TAS1R1: variants seen among roughly 807,000 people sequenced by gnomAD.
TAS1R1 encodes the protein taste receptor type 1 member 1.
In TAS1R1, 31 loss-of-function variants were observed where a neutral mutation model predicts 45.8. That is an observed-to-expected ratio of 0.68 (90% CI 0.51 to 0.91). The LOEUF (loss-of-function observed/expected upper bound fraction) is 0.91, where lower values mean the gene tolerates loss of function less well. Ranked by LOEUF, TAS1R1 falls within the 40% of genes least tolerant of loss-of-function variation. The pLI is 0.00. For missense variants in TAS1R1, 1,051 were observed against 1,063.9 expected, an observed-to-expected ratio of 0.99 and a Z score of 0.17; for synonymous variants, 437 against 448.4, an observed-to-expected ratio of 0.97 and a Z score of 0.32.
At chr1:6,572,370 C>T (rs1640041145) in intron 2 of TAS1R1, among the ~76,000 whole-genome samples, 1 of 151,334 alleles carries the variant, frequency 6.6e-6, no homozygotes, top group South Asian at 2.1e-4. Context: ...AGCAATCCTC[C>T]CACCTCATAC....
intron 1 of TAS1R1, among the ~76,000 whole-genome samples, chr1:6,557,731 G>T (rs964126351): frequency 1.3e-5 from 2 of 152,150 alleles, no homozygotes; most frequent in African/African-American, 4.8e-5. Flanking sequence ...CACTGGGCCA[G>T]CCATTACAAA....
chr1:6,559,350 A>G (rs1330527908), intron 1 of TAS1R1, among the ~76,000 whole-genome samples: 2 of 151,914 alleles, frequency 1.3e-5, no homozygotes, highest in Non-Finnish European at 2.9e-5. Flanking sequence ...TTTTAGATGT[A>G]GTAAACATTT....
At position 6,571,176 on chromosome 1, in the gene TAS1R1, C is replaced by T. The variant is rs759967739; in HGVS notation, c.459C>T (p.Ala153=). Residue 153 remains alanine, a synonymous_variant, in exon 2 of 6, where the codon GCC becomes GCT. Transcript: ENST00000333172. ...VIGPDSTNRA[A]TTAALLSPFL... ...GGCCTGACAGCACCAACCGTGCTGCCACCACAGCCGCCCTGCTGAGCCCTT... is the reference window on the plus strand; with the variant it reads ...GGCCTGACAGCACCAACCGTGCTGCTACCACAGCCGCCCTGCTGAGCCCTT... 2 of 1,595,134 alleles carry T rather than the reference C, an allele frequency of 1.3e-6. No homozygotes were observed. Among genetic ancestry groups the T allele is most frequent in the South Asian group, 1.1e-5 (1 of 88,136 alleles).
At chr1:6,576,297 C>A in intron 3 of TAS1R1, 118 bp from the exon 4 acceptor site, 1 of 931,870 alleles carries the variant, frequency 1.1e-6, no homozygotes. Context: ...AGGGACGAGA[C>A]CTTCCTGATG....
In TAS1R1 at chr1:6,557,325, C is replaced by T. The variant is rs1483092597; in HGVS notation, c.191+1761C>T. 3.9e-5 allele frequency among the ~76,000 whole-genome samples: 6 copies of T among 152,180 alleles called. No individual in the cohort carries two copies. In the East Asian group the frequency reaches 1.2e-3, roughly 29 times the overall value. ...GTCTCAGGCAGGAGGCACGAACCCT[C>T]CGTTGAGAGACTCGGGACAGAAGTG... is the stretch of plus-strand genomic sequence containing the variant. On this transcript the variant is annotated intron_variant, in intron 1 of 5. Coordinates refer to ENST00000333172, the MANE Select transcript of TAS1R1 (RefSeq NM_138697.4).
chr1:6,568,823 G>A (rs965672971), intron 1 of TAS1R1, among the ~76,000 whole-genome samples: 1 of 152,168 alleles, frequency 6.6e-6, no homozygotes, highest in African/African-American at 2.4e-5. Flanking sequence ...CTGGAAGGAG[G>A]GTGGAAGAGA....
intron 1 of TAS1R1, among the ~76,000 whole-genome samples, chr1:6,566,064 G>T (rs1639867535): frequency 6.6e-6 from 1 of 152,188 alleles, no homozygotes; most frequent in Non-Finnish European, 1.5e-5. Flanking sequence ...GGGTAATAGT[G>T]TGAGTCTGAG....
chr1:6,575,587 C>T (rs143253454), intron 3 of TAS1R1, among the ~76,000 whole-genome samples, 195 bp downstream of exon 3: 54 of 152,202 alleles, frequency 3.5e-4, no homozygotes, highest in African/African-American at 8.7e-4. Context: ...GATGCGATCT[C>T]GGCTCTCTGC....
intron 1 of TAS1R1, among the ~76,000 whole-genome samples, chr1:6,565,257 AAG>A (rs1042881836): frequency 4.6e-5 from 7 of 152,014 alleles, no homozygotes; most frequent in Non-Finnish European, 5.9e-5. Flanking sequence ...GTTTTCAAGA[AAG>A]AGAGCATGAA....
At chr1:6,578,327 T>A (rs1307901919) in intron 5 of TAS1R1, among the ~76,000 whole-genome samples, 2 of 152,290 alleles carry the variant, frequency 1.3e-5, no homozygotes, top group Non-Finnish European at 2.9e-5. Context: ...ATGCCCTCCC[T>A]TGGGAGCAGG....
chr1:6,579,334 C>G lies in TAS1R1; in HGVS notation c.2276C>G (p.Ala759Gly). The change falls in exon 6 of 6, where the codon GCC becomes GGC. Residue 759 changes from alanine to glycine, a missense_variant. By Grantham distance (60) the Ala-to-Gly change is moderately conservative. Coordinates refer to ENST00000333172, the MANE Select transcript of TAS1R1 (RefSeq NM_138697.4). ...GKDLPENYNE[A>G]KCVTFSLLFN... Reference sequence around the variant, plus strand: ...GACTTGCCAGAGAACTACAACGAGGCCAAATGTGTCACCTTCAGCCTGCTC... The same window carrying G: ...GACTTGCCAGAGAACTACAACGAGGGCAAATGTGTCACCTTCAGCCTGCTC... 2 of 1,614,156 alleles carry G rather than the reference C, an allele frequency of 1.2e-6. No homozygotes were observed. Among genetic ancestry groups the G allele is most frequent in the Non-Finnish European group, 1.7e-6 (2 of 1,180,058 alleles).
intron 1 of TAS1R1, among the ~76,000 whole-genome samples, chr1:6,565,734 T>C (rs1210009124): frequency 6.6e-6 from 1 of 152,184 alleles, no homozygotes; most frequent in Admixed American, 6.5e-5. Flanking sequence ...AGGGCGGTTT[T>C]AAGTTTGTGG....
intron 1 of TAS1R1, among the ~76,000 whole-genome samples, chr1:6,557,661 T>G (rs1639709507): frequency 6.6e-6 from 1 of 152,162 alleles, no homozygotes; most frequent in East Asian, 1.9e-4. Flanking sequence ...GGTCTCAAAC[T>G]CCTGGTCTCA....
At position 6,574,840 on chromosome 1, in the gene TAS1R1, G is replaced by T; in HGVS notation, c.708G>T (p.Gly236=). 6.2e-7 allele frequency: 1 copy of T among 1,614,266 alleles called. No individual in the cohort carries two copies. Among genetic ancestry groups the T allele is most frequent in the East Asian group, 2.2e-5 (1 of 44,884 alleles). The change falls in exon 3 of 6, where the codon GGG becomes GGT. Residue 236 remains glycine (G), a synonymous_variant. Transcript: ENST00000333172. This position sits in a 1 kb window ranked among gnomAD's most constrained non-coding sequence, Gnocchi z 4.3. ...TGGAGAACCAGGCCACTGGTCAGGG[G>T]ATCTGCATTGCTTTCAAGGACATCA... ...QALENQATGQ[G]ICIAFKDIMP...
Position 6,571,227 on chromosome 1 carries a change from C to T in TAS1R1, c.498+12C>T. The stretch of plus-strand genomic sequence containing the variant: ...TCCTGGTGCCCATGGTAAGCTGGAG[C>T]CTCAGACCTTTGCCCATCTCCCTTC... On this transcript the variant is annotated intron_variant, in intron 2 of 5. Coordinates refer to ENST00000333172, the MANE Select transcript of TAS1R1 (RefSeq NM_138697.4). 4 of 1,544,804 alleles carry T rather than the reference C, an allele frequency of 2.6e-6. No individual in the cohort carries two copies. The highest frequency in any genetic ancestry group is 2.1e-4 in the Middle Eastern group (1 of 4,744).
Position 6,579,095 on chromosome 1 carries a change from T to C in TAS1R1, c.2037T>C (p.Ala679=). 2 of 1,614,214 alleles carry C rather than the reference T, an allele frequency of 1.2e-6. No homozygotes were observed. The highest frequency in any genetic ancestry group is 2.2e-5 in the South Asian group (2 of 91,076). ...FYHAWVQNHG[A]GLFVMISSAA... ...ACGCCTGGGTCCAAAACCACGGTGC[T>C]GGCCTGTTTGTGATGATCAGCTCAG... Residue 679 remains alanine (A), a synonymous_variant, in exon 6 of 6, where the codon GCT becomes GCC. Coordinates refer to ENST00000333172, the MANE Select transcript of TAS1R1 (RefSeq NM_138697.4).
chr1:6,567,091 G>T (rs1639886498), intron 1 of TAS1R1, among the ~76,000 whole-genome samples: 1 of 152,134 alleles, frequency 6.6e-6, no homozygotes, highest in Non-Finnish European at 1.5e-5. Context: ...TTGGCTAAAA[G>T]GTCTCAGCCT....
intron 2 of TAS1R1, among the ~76,000 whole-genome samples, chr1:6,573,306 A>C (rs1488566126): frequency 2.6e-5 from 4 of 152,010 alleles, no homozygotes; most frequent in Admixed American, 1.3e-4. Context: ...AAAATGCAAA[A>C]ATTAGCCAGG....
chr1:6,564,236 T>TG (rs1385908180), intron 1 of TAS1R1, among the ~76,000 whole-genome samples: 1 of 152,094 alleles, frequency 6.6e-6, no homozygotes, highest in African/African-American at 2.4e-5. Context: ...CACTTAGACC[T>TG]GGGGCTGGTT....
Sources: gnomAD v4.1 joint callset for allele counts (sites outside exome capture counted in the v4.1 genomes callset) on GRCh38, gnomAD v4.1.1 for gene constraint, Gnocchi (gnomAD v3.1) non-coding constraint, MANE v1.5 for transcripts, NCBI Gene and HGNC (gene_info 2026-07-23, HGNC 2026-07-21) for gene names.